The following PCDHGA12 variants were observed in gnomAD, a reference collection of about 807,000 sequenced individuals.
PCDHGA12 encodes protocadherin gamma-A12.
PCDHGA12 carries 43 observed loss-of-function variants against 61.1 expected under a neutral mutation model. The observed-to-expected ratio is 0.70, with a 90% confidence interval of 0.55 to 0.91. The LOEUF (loss-of-function observed/expected upper bound fraction) is 0.91. PCDHGA12 is among the 40% of genes least tolerant of loss of function. The pLI is 0.00. For synonymous variants in PCDHGA12, 520 were observed against 542.9 expected, an observed-to-expected ratio of 0.96 and a Z score of 0.59; for missense variants, 1,236 against 1,227.7, an observed-to-expected ratio of 1.01 and a Z score of -0.10.
chr5:141,490,793 C>T lies in PCDHGA12; in HGVS notation c.2425-4014C>T, dbSNP rs2233608. 6 of 1,613,812 alleles carry T rather than the reference C, an allele frequency of 3.7e-6. No homozygotes were observed. The East Asian group carries it at 1.3e-4, about 36-fold the overall frequency. On this transcript the variant is annotated intron_variant, in intron 1 of 3. Transcript: ENST00000252085. This position sits in a 1 kb window ranked among gnomAD's most constrained non-coding sequence, Gnocchi z 5.4. Reference sequence around the variant, plus strand: ...AACCCAGAGGATGGACGGATCTTTGCCCAGCGTACCTTTGACTATGAATTG... The same window carrying T: ...AACCCAGAGGATGGACGGATCTTTGTCCAGCGTACCTTTGACTATGAATTG...
Position 141,476,591 on chromosome 5 carries a change from G to T in PCDHGA12, c.2425-18216G>T, listed in dbSNP as rs200254399. The T allele has an allele frequency of 6.2e-7, 1 of 1,614,230 alleles. No homozygotes were observed. The highest frequency in any genetic ancestry group is 8.5e-7 in the Non-Finnish European group (1 of 1,180,046). On this transcript the variant is annotated intron_variant, in intron 1 of 3. Transcript: ENST00000252085. The surrounding 1 kb of genome is among the most constrained non-coding windows in gnomAD (Gnocchi z 7.6). The stretch of plus-strand genomic sequence containing the variant: ...GGGGACGCGCTTTCCGCTCGAGAGC[G>T]CGCACGATCCCGATGTGGGAAGCAA...
intron 3 of PCDHGA12, among the ~76,000 whole-genome samples, chr5:141,506,454 A>G (rs2099853946): frequency 6.6e-6 from 1 of 151,844 alleles, no homozygotes; most frequent in African/African-American, 2.4e-5. Context: ...CAAAAAAAAA[A>G]AAAAAAAAAA....
Position 141,486,046 on chromosome 5 carries a change from C to G in PCDHGA12, c.2425-8761C>G. 1.2e-6 allele frequency: 2 copies of G among 1,614,170 alleles called. No individual in the cohort carries two copies. Among genetic ancestry groups the G allele is most frequent in the Non-Finnish European group, 1.7e-6 (2 of 1,180,036 alleles). The stretch of plus-strand genomic sequence containing the variant: ...GTCATACCCCTGATCGTGTAAGAAA[C>G]CTCTTTAGCCTGCACCCCACTACTG... On this transcript the variant is annotated intron_variant, in intron 1 of 3. Coordinates refer to ENST00000252085, the MANE Select transcript of PCDHGA12 (RefSeq NM_003735.3). This position sits in a 1 kb window ranked among gnomAD's most constrained non-coding sequence, Gnocchi z 5.0.
intron 1 of PCDHGA12, among the ~76,000 whole-genome samples, chr5:141,464,549 C>T (rs2099086404): frequency 6.6e-6 from 1 of 152,014 alleles, no homozygotes; most frequent in Non-Finnish European, 1.5e-5. Flanking sequence ...TAGCTATTCC[C>T]CATCTTGCAT....
At chr5:141,500,453 C>G (rs1403599390) in intron 2 of PCDHGA12, among the ~76,000 whole-genome samples, 1 of 152,246 alleles carries the variant, frequency 6.6e-6, no homozygotes, top group African/African-American at 2.4e-5. Flanking sequence ...TCGTGATCCG[C>G]CCGCCTCGGC....
chr5:141,434,795 T>C (rs1027924206), intron 1 of PCDHGA12, among the ~76,000 whole-genome samples: 2 of 152,004 alleles, frequency 1.3e-5, no homozygotes, highest in African/African-American at 2.4e-5. Context: ...TTTTTTTTTC[T>C]GAGCTTGGAG....
intron 3 of PCDHGA12, 89 bp downstream of exon 3, chr5:141,505,570 C>G: frequency 6.3e-7 from 1 of 1,598,162 alleles, no homozygotes; most frequent in Admixed American, 1.7e-5. Context: ...GACTGGATGT[C>G]AAACCTGTGT....
At chr5:141,452,909 TAC>T (rs1370071626) in intron 1 of PCDHGA12, among the ~76,000 whole-genome samples, 2 of 152,232 alleles carry the variant, frequency 1.3e-5, no homozygotes, top group African/African-American at 4.8e-5. Context: ...GTTGGCATTA[TAC>T]AGTAAGAAAG....
intron 2 of PCDHGA12, among the ~76,000 whole-genome samples, chr5:141,501,258 T>G (rs2099806611): frequency 1.3e-5 from 2 of 150,950 alleles, no homozygotes; most frequent in South Asian, 4.2e-4. Flanking sequence ...GGGAGTATTT[T>G]ATTATAGTCC....
At chr5:141,469,929 G>C (rs1208858245) in intron 1 of PCDHGA12, among the ~76,000 whole-genome samples, 1 of 152,168 alleles carries the variant, frequency 6.6e-6, no homozygotes, top group Non-Finnish European at 1.5e-5. Context: ...TCAGGAGTTT[G>C]AGACCAGCCT....
At chr5:141,447,214 A>G (rs2098530358) in intron 1 of PCDHGA12, among the ~76,000 whole-genome samples, 1 of 152,092 alleles carries the variant, frequency 6.6e-6, no homozygotes, top group Admixed American at 6.6e-5. Context: ...ATCTCGGCTC[A>G]CTGCAACCTC....
Position 141,485,072 on chromosome 5 carries a change from G to C in PCDHGA12, c.2425-9735G>C. 1.1e-6 allele frequency: 1 copy of C among 917,012 alleles called. No individual in the cohort carries two copies. The highest frequency in any genetic ancestry group is 1.7e-6 in the Non-Finnish European group (1 of 587,880). 56.8% of individuals were successfully genotyped at this position (917,012 alleles called of 1,614,324 possible). On this transcript the variant is annotated intron_variant, in intron 1 of 3. Coordinates refer to ENST00000252085, the MANE Select transcript of PCDHGA12 (RefSeq NM_003735.3). The surrounding 1 kb of genome is among the most constrained non-coding windows in gnomAD (Gnocchi z 5.7). ...CCGGCCGAACCGCGCCAGAGCTGGCGCGGGGAAAGGGAGATAGGTGTCTCC... is the reference window on the plus strand; with the variant it reads ...CCGGCCGAACCGCGCCAGAGCTGGCCCGGGGAAAGGGAGATAGGTGTCTCC...
At chr5:141,451,198 C>T (rs1415589731) in intron 1 of PCDHGA12, among the ~76,000 whole-genome samples, 1 of 152,114 alleles carries the variant, frequency 6.6e-6, no homozygotes, top group Non-Finnish European at 1.5e-5. Context: ...AACAAATTAT[C>T]CCAAAACTTA....
intron 1 of PCDHGA12, among the ~76,000 whole-genome samples, chr5:141,464,264 AAAAAAAAAAAAAAGC>A (rs974197911): frequency 4.0e-4 from 52 of 130,598 alleles, no homozygotes; most frequent in Non-Finnish European, 6.3e-4. Context: ...GACTCCGTCT[AAAAAAAAAAAAAAGC>A]AAAAAAAAAA....
At position 141,487,741 on chromosome 5, in the gene PCDHGA12, A is replaced by C. The variant is rs773413559; in HGVS notation, c.2425-7066A>C. 1.6e-4 allele frequency: 247 copies of C among 1,561,638 alleles called. 1 individual carries two copies. The highest frequency in any genetic ancestry group is 2.1e-4 in the Non-Finnish European group (244 of 1,151,698). On this transcript the variant is annotated intron_variant, in intron 1 of 3. Coordinates refer to ENST00000252085, the MANE Select transcript of PCDHGA12 (RefSeq NM_003735.3). This position sits in a 1 kb window ranked among gnomAD's most constrained non-coding sequence, Gnocchi z 5.0. ...ATAGTGATGTCACCATTTTTGTAAG[A>C]GGTAACTATGTGGTAGACGCTGTGC... is the stretch of plus-strand genomic sequence containing the variant.
intron 1 of PCDHGA12, among the ~76,000 whole-genome samples, chr5:141,472,677 C>T (rs1275941416): frequency 6.6e-6 from 1 of 151,658 alleles, no homozygotes; most frequent in Non-Finnish European, 1.5e-5. Context: ...ACTGGTCCTT[C>T]CATTTCCCCT....
chr5:141,464,263 TAAA>T (rs35224477), intron 1 of PCDHGA12, among the ~76,000 whole-genome samples: 2 of 103,604 alleles, frequency 1.9e-5, no homozygotes, highest in Non-Finnish European at 1.9e-5. Flanking sequence ...AGACTCCGTC[TAAA>T]AAAAAAAAAA....
chr5:141,474,970 A>G (rs1309289477), intron 1 of PCDHGA12, among the ~76,000 whole-genome samples: 4 of 152,212 alleles, frequency 2.6e-5, no homozygotes, highest in African/African-American at 9.6e-5. Context: ...TAATCATTAT[A>G]ATTTTGTTTG....
intron 1 of PCDHGA12, among the ~76,000 whole-genome samples, chr5:141,468,890 G>A (rs2099184679): frequency 6.6e-6 from 1 of 151,592 alleles, no homozygotes; most frequent in African/African-American, 2.4e-5. Flanking sequence ...TAATAATAAG[G>A]TACTAATATG....
Sources: gnomAD v4.1 joint callset for allele counts (sites outside exome capture counted in the v4.1 genomes callset) on GRCh38, gnomAD v4.1.1 for gene constraint, Gnocchi (gnomAD v3.1) non-coding constraint, MANE v1.5 for transcripts, NCBI Gene and HGNC (gene_info 2026-07-23, HGNC 2026-07-21) for gene names.